EPHA6: variants seen among roughly 807,000 people sequenced by gnomAD.
EPHA6 encodes the protein ephrin type-A receptor 6.
Under a neutral mutation model 112.0 loss-of-function variants are expected in EPHA6, and 50 were observed. The observed-to-expected ratio is 0.45, with a 90% CI of 0.36 to 0.56. The LOEUF (loss-of-function observed/expected upper bound fraction) is 0.56, where lower values mean the gene tolerates loss of function less well. Among genes scored for constraint, EPHA6 ranks in the 20% least tolerant of loss-of-function variants. The pLI is 0.00. For missense variants in EPHA6, 1,280 were observed against 1,417.4 expected, an observed-to-expected ratio of 0.90 and a Z score of 1.56; for synonymous variants, 529 against 490.7, an observed-to-expected ratio of 1.08 and a Z score of -1.03.
At chr3:97,521,169 T>C (rs1220636356) in intron 10 of EPHA6, among the ~76,000 whole-genome samples, 1 of 151,970 alleles carries the variant, frequency 6.6e-6, no homozygotes, top group Non-Finnish European at 1.5e-5. Flanking sequence ...TTCTTTAACA[T>C]CATTATTTTT....
intron 5 of EPHA6, among the ~76,000 whole-genome samples, chr3:97,346,171 C>T (rs951331370): frequency 1.3e-5 from 2 of 151,932 alleles, no homozygotes; most frequent in African/African-American, 2.4e-5. Flanking sequence ...TGTAATCTTC[C>T]TAAAGTCCTT....
chr3:97,357,686 A>G (rs922959854), intron 5 of EPHA6, among the ~76,000 whole-genome samples: 1 of 152,202 alleles, frequency 6.6e-6, no homozygotes, highest in Admixed American at 6.5e-5. Context: ...TTTTGACTCT[A>G]CAAAACCTTA....
At chr3:97,029,345 TG>T (rs1553691074) in intron 3 of EPHA6, among the ~76,000 whole-genome samples, 1 of 151,744 alleles carries the variant, frequency 6.6e-6, no homozygotes, top group Non-Finnish European at 1.5e-5. Flanking sequence ...TCCCCTGTGA[TG>T]TTTTTAATAA....
chr3:97,234,868 C>G (rs1269262948), intron 4 of EPHA6, among the ~76,000 whole-genome samples: 1 of 152,046 alleles, frequency 6.6e-6, no homozygotes, highest in Non-Finnish European at 1.5e-5. Flanking sequence ...TTCTAGACAA[C>G]TGATTGTGGG....
chr3:97,096,721 G>T (rs1287197203), intron 3 of EPHA6, among the ~76,000 whole-genome samples: 1 of 151,754 alleles, frequency 6.6e-6, no homozygotes, highest in African/African-American at 2.4e-5. Context: ...CTTAAGTTTT[G>T]AATAATAAGG....
chr3:97,294,036 T>G (rs2080790818), intron 5 of EPHA6, among the ~76,000 whole-genome samples: 1 of 152,198 alleles, frequency 6.6e-6, no homozygotes, highest in Non-Finnish European at 1.5e-5. Context: ...GTTGCTGGTG[T>G]CAGGAGCAGG....
chr3:97,539,031 C>CTTTCTTTA (rs2092805845), intron 11 of EPHA6, among the ~76,000 whole-genome samples: 2 of 146,420 alleles, frequency 1.4e-5, no homozygotes, highest in Non-Finnish European at 3.0e-5. Flanking sequence ...TTCTTTCTTT[C>CTTTCTTTA]TTTCTTGCTT....
chr3:97,550,540 T>A (rs1273365696), intron 11 of EPHA6, among the ~76,000 whole-genome samples: 3 of 152,204 alleles, frequency 2.0e-5, no homozygotes, highest in Admixed American at 6.5e-5. Flanking sequence ...CTGAGAAGGA[T>A]CTTTGTTCAG....
intron 12 of EPHA6, 115 bp downstream of exon 12, chr3:97,592,852 TGTAA>T: frequency 3.5e-6 from 4 of 1,159,384 alleles, no homozygotes; most frequent in Non-Finnish European, 3.5e-6. Flanking sequence ...GGAAAAGAAA[TGTAA>T]GTGACTGCTT....
intron 2 of EPHA6, among the ~76,000 whole-genome samples, chr3:96,935,859 T>C (rs2040555001): frequency 6.6e-6 from 1 of 151,782 alleles, no homozygotes; most frequent in Non-Finnish European, 1.5e-5. Context: ...TGTATTTATA[T>C]TGAGGATATT....
intron 5 of EPHA6, among the ~76,000 whole-genome samples, chr3:97,279,326 C>T (rs1559847968): frequency 6.6e-6 from 1 of 151,814 alleles, no homozygotes. Flanking sequence ...TACAACCCAC[C>T]CATCACATAC....
chr3:97,546,522 T>C (rs1297552522), intron 11 of EPHA6, among the ~76,000 whole-genome samples: 4 of 152,182 alleles, frequency 2.6e-5, no homozygotes, highest in Non-Finnish European at 5.9e-5. Flanking sequence ...TCAACTTTGG[T>C]AAATCTGACA....
At chr3:97,165,076 T>C (rs1447178683) in intron 3 of EPHA6, among the ~76,000 whole-genome samples, 2 of 152,186 alleles carry the variant, frequency 1.3e-5, no homozygotes, top group Non-Finnish European at 2.9e-5. Context: ...TTTTTGTTAC[T>C]AGTCTTCTAC....
chr3:96,975,052 T>C (rs1576217607), intron 2 of EPHA6, among the ~76,000 whole-genome samples: 1 of 151,812 alleles, frequency 6.6e-6, no homozygotes, highest in Admixed American at 6.6e-5. Context: ...TTTACTAGGG[T>C]TTCTGAGGGA....
At chr3:96,925,558 A>G (rs891029880) in intron 2 of EPHA6, among the ~76,000 whole-genome samples, 2 of 148,062 alleles carry the variant, frequency 1.4e-5, no homozygotes, top group Non-Finnish European at 3.0e-5. Context: ...GCTGGTGGTC[A>G]TTCAATTTTA....
intron 11 of EPHA6, among the ~76,000 whole-genome samples, chr3:97,551,683 A>G (rs2093031098): frequency 6.6e-6 from 1 of 152,152 alleles, no homozygotes; most frequent in Non-Finnish European, 1.5e-5. Context: ...CTTTGTCACT[A>G]TTTTATATAC....
intron 2 of EPHA6, among the ~76,000 whole-genome samples, chr3:96,920,281 G>A (rs889880347): frequency 6.6e-6 from 1 of 151,792 alleles, no homozygotes. Flanking sequence ...GATAGAAAAA[G>A]GGACTATTTA....
chr3:96,974,233 T>C (rs969225780), intron 2 of EPHA6, among the ~76,000 whole-genome samples: 10 of 147,692 alleles, frequency 6.8e-5, no homozygotes, highest in Non-Finnish European at 1.3e-4. Context: ...TATTATTAAA[T>C]TATTATTATA....
intron 3 of EPHA6, among the ~76,000 whole-genome samples, chr3:97,018,310 A>T (rs2044334993): frequency 1.3e-5 from 2 of 151,886 alleles, no homozygotes; most frequent in Non-Finnish European, 2.9e-5. Flanking sequence ...GAGACGAGAG[A>T]GTGTAGAAAT....
Sources: gnomAD v4.1 joint callset for allele counts (sites outside exome capture counted in the v4.1 genomes callset) on GRCh38, gnomAD v4.1.1 for gene constraint, MANE v1.5 for transcripts, NCBI Gene and HGNC (gene_info 2026-07-23, HGNC 2026-07-21) for gene names.